Variants in MAML1 observed in about 807,000 individuals in gnomAD.
The protein encoded by MAML1 is mastermind-like protein 1.
In MAML1, 14 loss-of-function variants were observed where a neutral mutation model predicts 77.1. The observed-to-expected ratio is 0.18, with a 90% CI of 0.12 to 0.28. The LOEUF (loss-of-function observed/expected upper bound fraction) is 0.28. Among genes scored for constraint, MAML1 ranks in the 10% least tolerant of loss-of-function variants. The probability of loss-of-function intolerance (pLI) is 1.00; values close to 1 mark genes in which losing one functional copy is unlikely to be tolerated. For missense variants in MAML1, 1,217 were observed against 1,327.8 expected (o/e 0.92, Z 1.30); for synonymous variants, 516 against 551.9 (o/e 0.93, Z 0.91).
At chr5:179,739,232 T>C (rs1779230907) in intron 1 of MAML1, among the ~76,000 whole-genome samples, 1 of 152,112 alleles carries the variant, frequency 6.6e-6, no homozygotes, top group African/African-American at 2.4e-5. Context: ...AATTATAATA[T>C]GCAGCTCAGC....
chr5:179,738,412 A>G (rs1779214484), intron 1 of MAML1, among the ~76,000 whole-genome samples: 1 of 152,214 alleles, frequency 6.6e-6, no homozygotes, highest in Non-Finnish European at 1.5e-5. Context: ...TAAAACAGAT[A>G]CTGTACTGTA....
chr5:179,767,851 A>G (rs928675699), intron 2 of MAML1, among the ~76,000 whole-genome samples: 1 of 152,268 alleles, frequency 6.6e-6, no homozygotes, highest in Non-Finnish European at 1.5e-5. Flanking sequence ...TGGTTTAAAT[A>G]ATGATTGCTT....
Position 179,733,038 on chromosome 5 carries a change from CG to C in MAML1, c.-71del. ...GCCGTGAGGCGGAGAGGGGTAGCCG[CG>C]GGGAGCGAAGCCCGCAGTGCCAGCC... On this transcript the variant is annotated 5_prime_UTR_variant, in exon 1 of 5. Coordinates refer to ENST00000292599, the MANE Select transcript of MAML1 (RefSeq NM_014757.5). 1 of 940,990 alleles carries C rather than the reference CG, an allele frequency of 1.1e-6. No homozygotes were observed. Among genetic ancestry groups the C allele is most frequent in the Non-Finnish European group, 1.4e-6 (1 of 728,304 alleles). 58.3% of individuals were successfully genotyped at this position (940,990 alleles called of 1,614,324 possible).
intron 1 of MAML1, among the ~76,000 whole-genome samples, chr5:179,747,426 C>T (rs1006502786): frequency 4.6e-5 from 7 of 152,204 alleles, no homozygotes; most frequent in South Asian, 2.1e-4. Flanking sequence ...ATTGATCACA[C>T]TAGGAGGGAG....
At position 179,766,882 on chromosome 5, in the gene MAML1, G is replaced by A. The variant is rs1779829927; in HGVS notation, c.1731+141G>A. ...GCTGCTGTCATCCTTGCTCCTCTTGGGAGTGGAAATTTATAAAATAAACCA... is the reference window on the plus strand; with the variant it reads ...GCTGCTGTCATCCTTGCTCCTCTTGAGAGTGGAAATTTATAAAATAAACCA... On this transcript the variant is annotated intron_variant, in intron 2 of 4. Coordinates refer to ENST00000292599, the MANE Select transcript of MAML1 (RefSeq NM_014757.5). This position sits in a 1 kb window ranked among gnomAD's most constrained non-coding sequence, Gnocchi z 4.0. The A allele has an allele frequency of 9.7e-6, 6 of 619,968 alleles. No homozygotes were observed. In the South Asian group the frequency reaches 2.2e-4, roughly 22 times the overall value. 38.4% of individuals were successfully genotyped at this position (619,968 alleles called of 1,614,324 possible).
chr5:179,752,880 T>A (rs547070560), intron 1 of MAML1, among the ~76,000 whole-genome samples: 2 of 152,290 alleles, frequency 1.3e-5, no homozygotes, highest in African/African-American at 4.8e-5. Flanking sequence ...TTCAAGTGAT[T>A]CTCCAGTCTC....
Position 179,765,975 on chromosome 5 carries a change from C to G in MAML1, c.965C>G (p.Ala322Gly). 6.2e-7 allele frequency: 1 copy of G among 1,612,238 alleles called. No individual in the cohort carries two copies. Among genetic ancestry groups the G allele is most frequent in the Non-Finnish European group, 8.5e-7 (1 of 1,179,326 alleles). The change falls in exon 2 of 5, where the codon GCA becomes GGA. Residue 322 changes from alanine to glycine, a missense_variant. This residue lies in a region of MAML1 where 884 missense variants were observed against 949.3 expected (regional missense o/e 0.93). Transcript: ENST00000292599. ...TCTCCACAAGTGAGGGCCGGGTCTG[C>G]AGGGCAGACCTTTCTGGGGCCTTCC... ...LGSPQVRAGS[A>G]GQTFLGPSSA... is the part of the protein sequence containing the mutation.
intron 1 of MAML1, among the ~76,000 whole-genome samples, chr5:179,749,497 G>A: frequency 6.6e-6 from 1 of 152,138 alleles, no homozygotes; most frequent in East Asian, 1.9e-4. Context: ...CTGACCTCTA[G>A]TGATCCACTC....
intron 1 of MAML1, among the ~76,000 whole-genome samples, chr5:179,736,694 G>T (rs1779177487): frequency 6.6e-6 from 1 of 152,110 alleles, no homozygotes; most frequent in Non-Finnish European, 1.5e-5. Flanking sequence ...GGGAGCAGTG[G>T]TTGACTCCTG....
chr5:179,748,963 T>G (rs1034955791), intron 1 of MAML1, among the ~76,000 whole-genome samples: 1 of 136,304 alleles, frequency 7.3e-6, no homozygotes, highest in African/African-American at 2.6e-5. Flanking sequence ...TTTTTTTTTT[T>G]TGTTTTTTGT....
At chr5:179,768,750 A>C (rs1779867129) in intron 2 of MAML1, 100 bp from the exon 3 acceptor site, 1 of 1,443,434 alleles carries the variant, frequency 6.9e-7, no homozygotes, top group Non-Finnish European at 9.5e-7. Context: ...AGGGAAGCAG[A>C]GACTTGGCTT....
rs1755935027 is a variant in MAML1 at position 179,769,661 on chromosome 5, T to C, written c.1971+572T>C. On this transcript the variant is annotated intron_variant, in intron 3 of 4. Coordinates refer to ENST00000292599, the MANE Select transcript of MAML1 (RefSeq NM_014757.5). This position sits in a 1 kb window ranked among gnomAD's most constrained non-coding sequence, Gnocchi z 4.2. ...TCCACCTCATGGGTTCATGCAATTC[T>C]CCTGCCTCAGCCTCCCGAGTAGCTG... Among the ~76,000 whole-genome samples, 1 of 152,108 alleles carries C rather than the reference T, an allele frequency of 6.6e-6. No homozygotes were observed. The highest frequency in any genetic ancestry group is 6.6e-5 in the Admixed American group (1 of 15,260).
In MAML1 at chr5:179,766,234, C is replaced by T. The variant is rs376959601; in HGVS notation, c.1224C>T (p.Arg408=). 5.2e-5 allele frequency: 84 copies of T among 1,613,656 alleles called. No homozygotes were observed. The highest frequency in any genetic ancestry group is 3.8e-4 in the East Asian group (17 of 44,868). ...QLQQIAAKQK[R]EQMLQNPQQA... is the part of the protein sequence containing the mutation. ...AGCAGATCGCTGCCAAGCAGAAGCGCGAGCAGATGCTCCAGAACCCACAGC... is the reference window on the plus strand; with the variant it reads ...AGCAGATCGCTGCCAAGCAGAAGCGTGAGCAGATGCTCCAGAACCCACAGC... Residue 408 remains arginine, a synonymous_variant, in exon 2 of 5, where the codon CGC becomes CGT. Transcript: ENST00000292599. This position sits in a 1 kb window ranked among gnomAD's most constrained non-coding sequence, Gnocchi z 4.0.
In MAML1 at chr5:179,753,184, A is replaced by AGTGTGTGT. The variant is rs59680995; in HGVS notation, c.316-12110_316-12103dup. On this transcript the variant is annotated intron_variant, in intron 1 of 4. Transcript: ENST00000292599. ...ACCTAAATCCTAGATGCTATTTTTTAGTGTGTGTGTGTGTGTGTGTGTGTG... is the reference window on the plus strand; with the variant it reads ...ACCTAAATCCTAGATGCTATTTTTTAGTGTGTGTGTGTGTGTGTGTGTGTGTGTGTGTG... Among the ~76,000 whole-genome samples the AGTGTGTGT allele has an allele frequency of 2.2e-3, 261 of 120,576 alleles. 1 individual carries two copies. The highest frequency in any genetic ancestry group is 7.0e-3 in the African/African-American group (246 of 35,304). 79.1% of individuals were successfully genotyped at this position (120,576 alleles called of 152,430 possible).
At chr5:179,749,571 T>TAA (rs1363245007) in intron 1 of MAML1, among the ~76,000 whole-genome samples, 1 of 152,096 alleles carries the variant, frequency 6.6e-6, no homozygotes, top group Non-Finnish European at 1.5e-5. Context: ...GAAAAAGGTT[T>TAA]AAAAAATTTA....
Position 179,769,517 on chromosome 5 carries a change from G to A in MAML1, c.1971+428G>A, listed in dbSNP as rs1420559514. ...GAAACACAGTTCACTCGCTTGGTTA[G>A]CAAGTGTAGTGTGCAGGCACTAAGG... On this transcript the variant is annotated intron_variant, in intron 3 of 4. Coordinates refer to ENST00000292599, the MANE Select transcript of MAML1 (RefSeq NM_014757.5). This position sits in a 1 kb window ranked among gnomAD's most constrained non-coding sequence, Gnocchi z 4.2. Among the ~76,000 whole-genome samples, 2 of 152,044 alleles carry A rather than the reference G, an allele frequency of 1.3e-5. No individual in the cohort carries two copies. Among genetic ancestry groups the A allele is most frequent in the African/African-American group, 2.4e-5 (1 of 41,418 alleles).
At chr5:179,763,455 A>T (rs1779757416) in intron 1 of MAML1, among the ~76,000 whole-genome samples, 1 of 147,386 alleles carries the variant, frequency 6.8e-6, no homozygotes, top group Non-Finnish European at 1.5e-5. Context: ...CATTCCTGCG[A>T]TTTTTTTTTT....
chr5:179,735,061 T>C (rs1314369597), intron 1 of MAML1, among the ~76,000 whole-genome samples: 1 of 152,158 alleles, frequency 6.6e-6, no homozygotes, highest in African/African-American at 2.4e-5. Context: ...CATTGGGAGA[T>C]ATACCTAATG....
rs576885312 is a variant in MAML1 at position 179,752,750 on chromosome 5, C to G, written c.316-12576C>G. ...GCCTCTGGATATTACTCTTTATGTCCTCTTTCATCTGTGGAACTCATTTAT... is the reference window on the plus strand; with the variant it reads ...GCCTCTGGATATTACTCTTTATGTCGTCTTTCATCTGTGGAACTCATTTAT... On this transcript the variant is annotated intron_variant, in intron 1 of 4. Coordinates refer to ENST00000292599, the MANE Select transcript of MAML1 (RefSeq NM_014757.5). 2.6e-5 allele frequency among the ~76,000 whole-genome samples: 4 copies of G among 151,528 alleles called. No homozygotes were observed. In the South Asian group the frequency reaches 8.4e-4, roughly 32 times the overall value.
Sources: allele counts gnomAD v4.1 joint callset (sites outside exome capture counted in the v4.1 genomes callset), GRCh38; gene constraint gnomAD v4.1.1; regional missense constraint gnomAD v4.1.1; non-coding constraint Gnocchi (gnomAD v3.1); transcripts MANE v1.5; gene names NCBI Gene and HGNC (gene_info 2026-07-23, HGNC 2026-07-21).